Variants in CNKSR2 observed in about 807,000 individuals in gnomAD.
The protein encoded by CNKSR2 is CNK homolog protein 2.
A neutral mutation model predicts 84.4 loss-of-function variants in CNKSR2; 14 were observed. That is an observed-to-expected ratio of 0.17 (90% confidence interval 0.11 to 0.26). The LOEUF (loss-of-function observed/expected upper bound fraction) is 0.26, where lower values mean the gene tolerates loss of function less well. Among genes scored for constraint, CNKSR2 ranks in the 10% least tolerant of loss-of-function variants. The probability of loss-of-function intolerance (pLI) is 1.00; values close to 1 mark genes in which losing one functional copy is unlikely to be tolerated. For synonymous variants in CNKSR2, 275 were observed against 277.9 expected (o/e 0.99, Z 0.10); for missense variants, 485 against 771.2 (o/e 0.63, Z 4.40).
chrX:21,389,321 A>C (rs2090015549), intron 1 of CNKSR2, among the ~76,000 whole-genome samples: 2 of 108,486 alleles, frequency 1.8e-5, no homozygotes, highest in South Asian at 4.1e-4. Context: ...GCAATATAAC[A>C]AGGTTGGTTC....
intron 20 of CNKSR2, among the ~76,000 whole-genome samples, chrX:21,632,361 G>A (rs1307796412): frequency 9.0e-6 from 1 of 111,542 alleles, no homozygotes; most frequent in East Asian, 2.8e-4. Flanking sequence ...TTCCTCATAT[G>A]GCTAAAACTA....
At chrX:21,545,766 G>A (rs982920082) in intron 11 of CNKSR2, among the ~76,000 whole-genome samples, 4 of 111,428 alleles carry the variant, frequency 3.6e-5, no homozygotes, top group African/African-American at 1.3e-4. Context: ...TGCTGGTGAT[G>A]ATACCCAGGC....
intron 14 of CNKSR2, 155 bp from the exon 15 acceptor site, chrX:21,590,867 G>T: frequency 2.0e-6 from 1 of 491,847 alleles, no homozygotes; most frequent in Non-Finnish European, 3.3e-6. Flanking sequence ...TCACTTATGT[G>T]AGGGAAAATA....
chrX:21,527,005 A>G lies in CNKSR2; in HGVS notation c.1091+5A>G, dbSNP rs760662472. ...TGCAGAACCATATATTCCCAGGTAT[A>G]AAACTATCACGTTGTCCTAGGCAGC... On this transcript the variant is annotated splice_donor_5th_base_variant and intron_variant, in intron 10 of 21. Coordinates refer to ENST00000379510, the MANE Select transcript of CNKSR2 (RefSeq NM_014927.5). 1 of 1,203,238 alleles carries G rather than the reference A, an allele frequency of 8.3e-7. No individual in the cohort carries two copies. Among genetic ancestry groups the G allele is most frequent in the Admixed American group, 2.2e-5 (1 of 45,639 alleles).
chrX:21,403,479 A>G (rs760459914), intron 1 of CNKSR2, among the ~76,000 whole-genome samples: 189 of 111,589 alleles, frequency 1.7e-3, no homozygotes, highest in African/African-American at 5.8e-3. Context: ...CGATTTCATG[A>G]CGGTGAGATA....
At chrX:21,421,430 G>C (rs112829691) in intron 1 of CNKSR2, among the ~76,000 whole-genome samples, 71 of 108,941 alleles carry the variant, frequency 6.5e-4, no homozygotes, top group Admixed American at 4.1e-3. Context: ...GTGTCCTTGC[G>C]GGGGGCTAGG....
chrX:21,374,667 AC>A lies in CNKSR2; in HGVS notation c.-228del, dbSNP rs2089778737. 2.0e-6 allele frequency: 1 copy of A among 509,980 alleles called. No individual in the cohort carries two copies. Among genetic ancestry groups the A allele is most frequent in the African/African-American group, 2.3e-5 (1 of 42,624 alleles). The allele number at this position is 509,980 out of a possible 1,213,427, so 42.0% of individuals were successfully genotyped here. ...CGCCGCCTTAGCGGGAACTGAGCAG[AC>A]CCGGCGCGGAGCCACGACTCCTGCA... On this transcript the variant is annotated 5_prime_UTR_variant, in exon 1 of 22. Transcript: ENST00000379510.
At chrX:21,445,661 AT>A (rs960443465) in intron 4 of CNKSR2, among the ~76,000 whole-genome samples, 2 of 111,337 alleles carry the variant, frequency 1.8e-5, no homozygotes, top group African/African-American at 3.2e-5. Flanking sequence ...TATGAGCTCA[AT>A]TTTTTTAGCT....
In CNKSR2 at chrX:21,642,858, C is replaced by T. The variant is rs2092696026; in HGVS notation, c.2693-5973C>T. 5 of 742,716 alleles carry T rather than the reference C, an allele frequency of 6.7e-6. No homozygotes were observed. The South Asian group carries it at 3.4e-4, about 51-fold the overall frequency. 61.2% of individuals were successfully genotyped at this position (742,716 alleles called of 1,213,427 possible). ...TGTCTGTGAATAAAATCACATTGAT[C>T]TGCCTTACAATTGCCTCTGTGCTCT... On this transcript the variant is annotated intron_variant, in intron 20 of 21. Coordinates refer to ENST00000379510, the MANE Select transcript of CNKSR2 (RefSeq NM_014927.5).
chrX:21,491,489 A>G (rs1268910786), intron 6 of CNKSR2: 2 of 112,226 alleles, frequency 1.8e-5, no homozygotes, highest in African/African-American at 3.2e-5. Flanking sequence ...TCATACATCT[A>G]TATAACTGTT....
chrX:21,408,942 G>A (rs1275134131), intron 1 of CNKSR2, among the ~76,000 whole-genome samples: 1 of 108,318 alleles, frequency 9.2e-6, no homozygotes, highest in Non-Finnish European at 1.9e-5. Context: ...ATCATGTCTT[G>A]GACTTTACAA....
rs935129495 is a variant in CNKSR2, at chrX:21,380,355, T to C, written c.64+5394T>C. Among the ~76,000 whole-genome samples, 3 of 111,325 alleles carry C rather than the reference T, an allele frequency of 2.7e-5. No homozygotes were observed. In the Admixed American group the frequency reaches 2.9e-4, roughly 11 times the overall value. ...TCTTATATGAAGAATGGAAATAGAC[T>C]TTTAAGTATTAATACTGTTCTTAAA... On this transcript the variant is annotated intron_variant, in intron 1 of 21. Transcript: ENST00000379510.
intron 11 of CNKSR2, among the ~76,000 whole-genome samples, chrX:21,560,400 T>C (rs1425545202): frequency 9.0e-6 from 1 of 111,053 alleles, no homozygotes; most frequent in Non-Finnish European, 1.9e-5. Flanking sequence ...GCAAGTTATA[T>C]AACCTTAGTT....
chrX:21,579,674 A>G (rs1375070188), intron 13 of CNKSR2, among the ~76,000 whole-genome samples: 3 of 111,617 alleles, frequency 2.7e-5, no homozygotes, highest in Non-Finnish European at 5.6e-5. Flanking sequence ...TGTACCTTCC[A>G]TCATATATAT....
At chrX:21,635,390 G>A (rs1351065577) in intron 20 of CNKSR2, among the ~76,000 whole-genome samples, 2 of 103,939 alleles carry the variant, frequency 1.9e-5, no homozygotes, top group Admixed American at 1.1e-4. Flanking sequence ...GTGTGTGTGT[G>A]TGTGTGTGTG....
intron 9 of CNKSR2, among the ~76,000 whole-genome samples, chrX:21,521,243 A>G (rs2091780761): frequency 1.8e-5 from 2 of 111,015 alleles, no homozygotes; most frequent in Non-Finnish European, 3.8e-5. Context: ...GCATGGCACT[A>G]GAGAAGAAAA....
rs141899187 is a variant in CNKSR2, at chrX:21,609,318, C to T, written c.2393C>T (p.Ala798Val). Residue 798 changes from alanine to valine, a missense_variant, in exon 20 of 22, where the codon GCG becomes GTG. Ala to Val is a moderately conservative substitution (Grantham distance 64). This residue lies in a region of CNKSR2 where 210 missense variants were observed against 291.5 expected (regional missense o/e 0.72). Transcript: ENST00000379510. ...GAGGATTCTGTCTTCTCTGACTCCG[C>T]GGCCATCTCCCCAGAGCACAGGCGG... ...PLEDSVFSDSAAISPEHRRQS... is the reference protein window; with the variant it reads ...PLEDSVFSDSVAISPEHRRQS... The T allele has an allele frequency of 1.4e-5, 17 of 1,209,605 alleles. No homozygotes were observed. Among genetic ancestry groups the T allele is most frequent in the Admixed American group, 1.1e-4 (5 of 45,748 alleles).
intron 8 of CNKSR2, among the ~76,000 whole-genome samples, chrX:21,514,905 G>C (rs1456960081): frequency 1.8e-5 from 2 of 110,621 alleles, no homozygotes. Context: ...ACTCTTGGCT[G>C]TAGGGATACT....
intron 13 of CNKSR2, among the ~76,000 whole-genome samples, chrX:21,586,304 A>G: frequency 8.9e-6 from 1 of 112,071 alleles, no homozygotes; most frequent in Non-Finnish European, 1.9e-5. Flanking sequence ...TAAGAAATAA[A>G]TAAAGATACA....
Sources: gnomAD v4.1 joint callset for allele counts (sites outside exome capture counted in the v4.1 genomes callset) on GRCh38, gnomAD v4.1.1 for gene constraint, gnomAD v4.1.1 regional missense constraint, MANE v1.5 for transcripts, NCBI Gene and HGNC (gene_info 2026-07-23, HGNC 2026-07-21) for gene names.